The following GNG4 variants were observed in gnomAD, a reference collection of about 807,000 sequenced individuals.
GNG4 encodes G protein subunit gamma 4.
In GNG4, 4 loss-of-function variants were observed where a neutral mutation model predicts 5.8. The ratio of observed to expected loss-of-function variants is 0.69; its 90% CI spans 0.34 to 1.57. The LOEUF (loss-of-function observed/expected upper bound fraction) is 1.57, where lower values mean the gene tolerates loss of function less well. Among genes scored for constraint, GNG4 ranks in the 40% most tolerant of loss-of-function variants. The pLI, the probability that GNG4 is intolerant of heterozygous loss-of-function variation, is 0.06. For missense variants in GNG4, 96 were observed against 95.1 expected, an observed-to-expected ratio of 1.01 and a Z score of -0.04; for synonymous variants, 29 against 32.9, an observed-to-expected ratio of 0.88 and a Z score of 0.41.
intron 1 of GNG4, among the ~76,000 whole-genome samples, chr1:235,606,754 G>A (rs1688368731): frequency 1.3e-5 from 2 of 152,056 alleles, no homozygotes; most frequent in South Asian, 2.1e-4. Flanking sequence ...ATGACTTGTA[G>A]GGGCAGGGGA....
At chr1:235,650,081 G>A (rs985867524), upstream of GNG4, 20 of 150,666 alleles carry the variant, frequency 1.3e-4, no homozygotes, top group Admixed American at 1.3e-3. Flanking sequence ...GCGTCACCGG[G>A]GCTCCCGCGC....
chr1:235,560,453 G>C (rs1006027164), intron 3 of GNG4, among the ~76,000 whole-genome samples: 2 of 152,134 alleles, frequency 1.3e-5, no homozygotes, highest in African/African-American at 4.8e-5. Context: ...CCCCTCACCA[G>C]AGGTAGCCCT....
chr1:235,587,545 GGGT>G (rs1480141181), intron 2 of GNG4, among the ~76,000 whole-genome samples: 170 of 39,734 alleles, frequency 4.3e-3, no homozygotes, highest in Middle Eastern at 0.029. Context: ...GTCAGGGTGT[GGGT>G]TGGGGTTGTG....
At chr1:235,620,692 C>T (rs1484296455) in intron 1 of GNG4, among the ~76,000 whole-genome samples, 4 of 152,214 alleles carry the variant, frequency 2.6e-5, no homozygotes, top group East Asian at 3.9e-4. Context: ...CCCGCCACCA[C>T]GCCCAGCTAA....
intron 3 of GNG4, among the ~76,000 whole-genome samples, chr1:235,560,420 C>T (rs954489725): frequency 6.6e-6 from 1 of 152,136 alleles, no homozygotes; most frequent in African/African-American, 2.4e-5. Flanking sequence ...CCGCCATCTG[C>T]TGTGGGGTGA....
In GNG4 at chr1:235,626,278, G is replaced by C. The variant is rs143455490; in HGVS notation, c.-123+23384C>G. Among the ~76,000 whole-genome samples, 472 of 152,152 alleles carry C rather than the reference G, an allele frequency of 3.1e-3. 2 individuals carry two copies. The highest frequency in any genetic ancestry group is 0.011 in the African/African-American group (442 of 41,520). ...CTTTAATAGGATTTTGTTTTGTTTT[G>C]TTTTCTATTGAGTTTTAAGAGTTCT... is the stretch of plus-strand genomic sequence containing the variant. On this transcript the variant is annotated intron_variant, in intron 1 of 3. Transcript: ENST00000391854.
rs778323002 is a variant in GNG4 at position 235,592,684 on chromosome 1, T to G, written c.-11+2716A>C. Among the ~76,000 whole-genome samples the G allele has an allele frequency of 3.2e-4, 49 of 152,194 alleles. 1 individual carries two copies. Among genetic ancestry groups the G allele is most frequent in the Non-Finnish European group, 1.5e-4 (10 of 68,036 alleles). On this transcript the variant is annotated intron_variant, in intron 2 of 3. Transcript: ENST00000391854. The stretch of plus-strand genomic sequence containing the variant: ...CGACCTGTAACCCCTGGCTTGAAGA[T>G]AGCCGCCCTTTTCGGTCAAAACCAC...
At chr1:235,586,379 C>CGT (rs141666278) in intron 2 of GNG4, among the ~76,000 whole-genome samples, 6,996 of 151,678 alleles carry the variant, frequency 0.046, 450 homozygotes, top group African/African-American at 0.14. Context: ...GCCATCTCTC[C>CGT]GTGTGTGTGT....
At chr1:235,569,325 A>G (rs1398166702) in intron 3 of GNG4, among the ~76,000 whole-genome samples, 1 of 152,064 alleles carries the variant, frequency 6.6e-6, no homozygotes, top group Non-Finnish European at 1.5e-5. Context: ...CCTGGGCAAC[A>G]TGGCAAAACC....
At chr1:235,567,111 T>A (rs970215893) in intron 3 of GNG4, among the ~76,000 whole-genome samples, 5 of 151,356 alleles carry the variant, frequency 3.3e-5, no homozygotes, top group Admixed American at 1.3e-4. Flanking sequence ...AAAAAAAAAA[T>A]TTAGTAGAGA....
chr1:235,616,927 C>T (rs10926270), intron 1 of GNG4, among the ~76,000 whole-genome samples: 66,875 of 122,672 alleles, frequency 0.55, 17,307 homozygotes, highest in East Asian at 0.79. Context: ...TTTTTTTTTT[C>T]AGTAGAGATG....
Position 235,551,250 on chromosome 1 carries a change from A to G in GNG4, c.*859T>C. The G allele has an allele frequency of 6.6e-6, 1 of 152,408 alleles. No individual in the cohort carries two copies. The highest frequency in any genetic ancestry group is 2.1e-4 in the South Asian group (1 of 4,836). 9.4% of individuals were successfully genotyped at this position (152,408 alleles called of 1,614,324 possible). ...ACGGCCCCAGGAGGATATGCTAAGA[A>G]AACCATTCCACGGCCGGGTGTGGTG... On this transcript the variant is annotated 3_prime_UTR_variant, in exon 4 of 4. Coordinates refer to ENST00000391854, the MANE Select transcript of GNG4 (RefSeq NM_001098722.2).
chr1:235,561,485 T>G (rs1025389508), intron 3 of GNG4, among the ~76,000 whole-genome samples: 9 of 152,076 alleles, frequency 5.9e-5, no homozygotes, highest in Non-Finnish European at 1.3e-4. Flanking sequence ...AACCTCCACC[T>G]CTGGGGTTCA....
At chr1:235,611,800 T>C (rs1049509436) in intron 1 of GNG4, among the ~76,000 whole-genome samples, 2 of 152,068 alleles carry the variant, frequency 1.3e-5, no homozygotes, top group Non-Finnish European at 2.9e-5. Context: ...GTGGTGGCTC[T>C]TGCCTGTAAT....
At chr1:235,637,120 A>G (rs1657123419) in intron 1 of GNG4, among the ~76,000 whole-genome samples, 2 of 152,058 alleles carry the variant, frequency 1.3e-5, no homozygotes, top group South Asian at 4.1e-4. Flanking sequence ...GACAGGGTAC[A>G]TGAATGCTTT....
intron 1 of GNG4, among the ~76,000 whole-genome samples, chr1:235,629,456 GC>G (rs1321727977): frequency 6.6e-6 from 1 of 152,060 alleles, no homozygotes; most frequent in African/African-American, 2.4e-5. Flanking sequence ...CCACTCGCAT[GC>G]TTTTGCTTCC....
chr1:235,572,749 C>G (rs1316588528), intron 3 of GNG4, among the ~76,000 whole-genome samples: 1 of 152,044 alleles, frequency 6.6e-6, no homozygotes, highest in Non-Finnish European at 1.5e-5. Context: ...ATCTACCCAC[C>G]TCGGCCTCCC....
At chr1:235,564,670 T>A (rs12076055) in intron 3 of GNG4, among the ~76,000 whole-genome samples, 32,144 of 152,218 alleles carry the variant, frequency 0.21, 4,165 homozygotes, top group African/African-American at 0.35. Flanking sequence ...TACATTTTTT[T>A]AAGAGTGGTC....
At chr1:235,598,080 C>A (rs1688167509) in intron 1 of GNG4, among the ~76,000 whole-genome samples, 4 of 152,182 alleles carry the variant, frequency 2.6e-5, no homozygotes, top group Admixed American at 2.0e-4. Context: ...GTAGGTTGCA[C>A]ACTACACTCC....
Sources: allele counts gnomAD v4.1 joint callset (sites outside exome capture counted in the v4.1 genomes callset), GRCh38; gene constraint gnomAD v4.1.1; transcripts MANE v1.5; gene names NCBI Gene and HGNC (gene_info 2026-07-23, HGNC 2026-07-21).